The following SULF2 variants were observed in gnomAD, a reference collection of about 807,000 sequenced individuals.
The protein encoded by SULF2 is sulfatase 2, also known as extracellular sulfatase Sulf-2.
SULF2 carries 52 observed loss-of-function variants against 107.7 expected under a neutral mutation model. The ratio of observed to expected loss-of-function variants is 0.48; its 90% CI spans 0.39 to 0.61. The LOEUF (loss-of-function observed/expected upper bound fraction) is 0.61. SULF2 is among the 20% of genes least tolerant of loss of function. SULF2 has a pLI of 0.00. For missense variants in SULF2, 993 were observed against 1,177.3 expected (o/e 0.84, Z 2.29); for synonymous variants, 460 against 464.3 (o/e 0.99, Z 0.12).
chr20:47,663,191 G>A lies in SULF2; in HGVS notation c.2249C>T (p.Thr750Ile). Residue 750 changes from threonine to isoleucine, a missense_variant, in exon 17 of 21, where the codon ACC becomes ATC. Around this residue, in one of 3 missense-constraint regions of SULF2, gnomAD observed 497 missense variants for 544.1 expected, o/e 0.91. Transcript: ENST00000688720. ...FWTLGPFCAC[T>I]SANNNTYWCM... ...CCAGTACGTGTTATTGTTGGCGCTGGTGCAGGCACAGAAAGGCCCCACTGC... is the reference window on the plus strand; with the variant it reads ...CCAGTACGTGTTATTGTTGGCGCTGATGCAGGCACAGAAAGGCCCCACTGC... 1 of 1,614,144 alleles carries A rather than the reference G, an allele frequency of 6.2e-7. No homozygotes were observed. Among genetic ancestry groups the A allele is most frequent in the African/African-American group, 1.3e-5 (1 of 75,040 alleles).
chr20:47,746,992 A>ATATAT (rs1555853868), intron 2 of SULF2, among the ~76,000 whole-genome samples: 24 of 90,368 alleles, frequency 2.7e-4, no homozygotes, highest in African/African-American at 4.7e-4. Flanking sequence ...TAAAAAAAAA[A>ATATAT]AAATATATAT....
In SULF2 at chr20:47,677,103, G is replaced by T. The variant is rs1046641831; in HGVS notation, c.1225C>A (p.Arg409=). 14 of 1,612,908 alleles carry T rather than the reference G, an allele frequency of 8.7e-6. No homozygotes were observed. The highest frequency in any genetic ancestry group is 1.3e-5 in the African/African-American group (1 of 74,704). The change falls in exon 9 of 21, where the codon CGG becomes AGG. Residue 409 remains arginine (R), a synonymous_variant. Coordinates refer to ENST00000688720, the MANE Select transcript of SULF2 (RefSeq NM_001387048.1). ...CCTCTCTCCACCAAGAAGGAGTCCC[G>T]CCAGACCCTCATCTTCTTTTTCAAG... is the stretch of plus-strand genomic sequence containing the variant. The part of the protein sequence containing the change: ...FHLKKKMRVW[R]DSFLVERGKL...
chr20:47,664,062 C>G (rs1409810043), intron 15 of SULF2, 68 bp downstream of exon 15: 7 of 1,538,200 alleles, frequency 4.6e-6, no homozygotes, highest in Middle Eastern at 1.7e-4. Flanking sequence ...TGAGTTTTAG[C>G]TTAAGGGAGG....
chr20:47,673,689 T>C (rs1157474854), intron 10 of SULF2, among the ~76,000 whole-genome samples: 1 of 152,198 alleles, frequency 6.6e-6, no homozygotes, highest in African/African-American at 2.4e-5. Flanking sequence ...GATTCCTTAG[T>C]GCAGAAGTAG....
intron 10 of SULF2, among the ~76,000 whole-genome samples, chr20:47,672,781 T>C (rs1322288882): frequency 1.3e-5 from 2 of 152,184 alleles, no homozygotes; most frequent in African/African-American, 4.8e-5. Context: ...TACTAGTCTT[T>C]GAACATCCTC....
chr20:47,745,695 A>T (rs1474889978), intron 2 of SULF2, among the ~76,000 whole-genome samples: 3 of 150,660 alleles, frequency 2.0e-5, no homozygotes, highest in Non-Finnish European at 3.0e-5. Flanking sequence ...TTCCCGGCTA[A>T]TTTTTTTTAT....
At chr20:47,707,270 T>C (rs1259802237) in intron 3 of SULF2, among the ~76,000 whole-genome samples, 1 of 152,166 alleles carries the variant, frequency 6.6e-6, no homozygotes, top group Non-Finnish European at 1.5e-5. Context: ...ATTACAGGTG[T>C]GAGCCACCCT....
intron 1 of SULF2, among the ~76,000 whole-genome samples, chr20:47,761,427 T>C (rs949216023): frequency 2.0e-5 from 3 of 152,238 alleles, no homozygotes; most frequent in African/African-American, 7.2e-5. Context: ...ACGTGCTTCT[T>C]TAAATGGCCT....
At chr20:47,659,760 A>G in intron 18 of SULF2, 30 bp from the exon 19 acceptor site, 1 of 1,602,548 alleles carries the variant, frequency 6.2e-7, no homozygotes, top group Non-Finnish European at 8.5e-7. Context: ...AAAACAAAAC[A>G]GGAGCAGATA....
Position 47,751,845 on chromosome 20 carries a change from C to G in SULF2, c.175+5344G>C, listed in dbSNP as rs184810492. Among the ~76,000 whole-genome samples, 80 of 152,346 alleles carry G rather than the reference C, an allele frequency of 5.3e-4. 1 individual carries two copies. In the East Asian group the frequency reaches 9.1e-3, roughly 17 times the overall value. ...CAGTGGAAGGCTGGTTCCCATGGCA[C>G]TTTTGCAGGCCCCAAAACCACCACT... On this transcript the variant is annotated intron_variant, in intron 2 of 20. Coordinates refer to ENST00000688720, the MANE Select transcript of SULF2 (RefSeq NM_001387048.1).
chr20:47,770,036 T>C (rs1019985598), intron 1 of SULF2, among the ~76,000 whole-genome samples: 2 of 140,624 alleles, frequency 1.4e-5, no homozygotes, highest in African/African-American at 2.7e-5. Context: ...AGCTTGCGGG[T>C]GATGTGATCT....
intron 2 of SULF2, among the ~76,000 whole-genome samples, chr20:47,743,064 G>T (rs2089927420): frequency 6.6e-6 from 1 of 150,916 alleles, no homozygotes; most frequent in Non-Finnish European, 1.5e-5. Context: ...CCTCAACTTG[G>T]GTGATTTTGA....
rs541613375 is a variant in SULF2 at position 47,680,616 on chromosome 20, G to A, written c.1065-1812C>T. Among the ~76,000 whole-genome samples the A allele has an allele frequency of 1.1e-3, 163 of 152,328 alleles. No individual in the cohort carries two copies. The highest frequency in any genetic ancestry group is 3.3e-3 in the Admixed American group (51 of 15,300). On this transcript the variant is annotated intron_variant, in intron 7 of 20. Coordinates refer to ENST00000688720, the MANE Select transcript of SULF2 (RefSeq NM_001387048.1). This position sits in a 1 kb window ranked among gnomAD's most constrained non-coding sequence, Gnocchi z 4.2. ...CTCCCCAGTCCAGTGCCCTGTGAACGTCGGGCAGGCTGCCAAGCATGTGTG... is the reference window on the plus strand; with the variant it reads ...CTCCCCAGTCCAGTGCCCTGTGAACATCGGGCAGGCTGCCAAGCATGTGTG...
intron 8 of SULF2, among the ~76,000 whole-genome samples, chr20:47,677,744 C>T (rs1163038201): frequency 1.3e-5 from 2 of 152,212 alleles, no homozygotes; most frequent in African/African-American, 4.8e-5. Flanking sequence ...GGGGAAGCTT[C>T]CACCCTGTCC....
At chr20:47,706,567 A>G (rs1309316125) in intron 3 of SULF2, 1 of 152,276 alleles carries the variant, frequency 6.6e-6, no homozygotes, top group Non-Finnish European at 1.5e-5. Context: ...GGTTAGGTCC[A>G]TTGGCTGTGG....
At chr20:47,781,760 AG>A (rs1245367740) in intron 1 of SULF2, among the ~76,000 whole-genome samples, 6 of 152,118 alleles carry the variant, frequency 3.9e-5, no homozygotes, top group Admixed American at 6.5e-5. Context: ...GTGAACATCA[AG>A]GCACAGAAAG....
At chr20:47,707,613 G>A (rs890555219) in intron 3 of SULF2, among the ~76,000 whole-genome samples, 1 of 152,138 alleles carries the variant, frequency 6.6e-6, no homozygotes, top group African/African-American at 2.4e-5. Flanking sequence ...TGAAGTACTC[G>A]AGTGAGATAT....
chr20:47,761,516 G>A (rs961460881), intron 1 of SULF2, among the ~76,000 whole-genome samples: 5 of 152,216 alleles, frequency 3.3e-5, no homozygotes, highest in South Asian at 2.1e-4. Flanking sequence ...AGTGGACATC[G>A]CTTCCCTGTA....
At chr20:47,779,222 C>T (rs1479282782) in intron 1 of SULF2, among the ~76,000 whole-genome samples, 1 of 152,196 alleles carries the variant, frequency 6.6e-6, no homozygotes, top group Admixed American at 6.5e-5. Context: ...TAAGCAGCAT[C>T]CCTGGCCTCT....
Sources: gnomAD v4.1 joint callset for allele counts (sites outside exome capture counted in the v4.1 genomes callset) on GRCh38, gnomAD v4.1.1 for gene constraint, gnomAD v4.1.1 regional missense constraint, Gnocchi (gnomAD v3.1) non-coding constraint, MANE v1.5 for transcripts, NCBI Gene and HGNC (gene_info 2026-07-23, HGNC 2026-07-21) for gene names.